Variants in DNAH3 observed in about 807,000 individuals in gnomAD.
DNAH3 encodes the protein dynein axonemal heavy chain 3, also known as axonemal beta dynein heavy chain 3.
Under a neutral mutation model 432.5 loss-of-function variants are expected in DNAH3, and 332 were observed. The ratio of observed to expected loss-of-function variants is 0.77; its 90% CI spans 0.70 to 0.84. The LOEUF (loss-of-function observed/expected upper bound fraction) is 0.84, where lower values mean the gene tolerates loss of function less well. Among genes scored for constraint, DNAH3 ranks in the 40% least tolerant of loss-of-function variants. The pLI, the probability that DNAH3 is intolerant of heterozygous loss-of-function variation, is 0.00. For missense variants in DNAH3, 4,861 were observed against 5,114.0 expected (o/e 0.95, Z 1.51); for synonymous variants, 1,956 against 1,900.2 (o/e 1.03, Z -0.76).
At chr16:21,095,790 G>T (rs2091659428) in intron 18 of DNAH3, among the ~76,000 whole-genome samples, 4 of 151,772 alleles carry the variant, frequency 2.6e-5, no homozygotes, top group Admixed American at 2.6e-4. Context: ...TTTGAGACAG[G>T]GTCTCGCTCT....
intron 19 of DNAH3, among the ~76,000 whole-genome samples, chr16:21,082,691 C>T (rs146755657): frequency 1.3e-5 from 2 of 151,944 alleles, no homozygotes; most frequent in South Asian, 2.1e-4. Flanking sequence ...TAGCTGGGCA[C>T]GGTGGCAGGT....
At chr16:21,136,580 A>G in intron 5 of DNAH3, 67 bp from the exon 7 acceptor site, 14 of 1,462,506 alleles carry the variant, frequency 9.6e-6, no homozygotes, top group Non-Finnish European at 1.3e-5. Context: ...TGTCCTGCCC[A>G]TCAGCTGCCA....
intron 33 of DNAH3, 123 bp downstream of exon 33, chr16:21,039,729 A>T (rs1257872466): frequency 7.4e-6 from 6 of 807,916 alleles, no homozygotes; most frequent in Non-Finnish European, 1.3e-5. Context: ...CCACCCAGTA[A>T]GCAGAAGCAA....
intron 55 of DNAH3, 105 bp downstream of exon 55, chr16:20,954,708 T>C: frequency 5.4e-6 from 7 of 1,301,330 alleles, no homozygotes; most frequent in Non-Finnish European, 7.4e-6. Context: ...CGTATCTTAC[T>C]GGCAACCCTA....
At chr16:20,991,846 T>C (rs891696820) in intron 44 of DNAH3, among the ~76,000 whole-genome samples, 1 of 152,226 alleles carries the variant, frequency 6.6e-6, no homozygotes, top group Non-Finnish European at 1.5e-5. Flanking sequence ...TACTCAATAA[T>C]GTTTCTCCTT....
chr16:21,112,923 A>G (rs1332102612), intron 12 of DNAH3, among the ~76,000 whole-genome samples: 1 of 152,140 alleles, frequency 6.6e-6, no homozygotes, highest in Non-Finnish European at 1.5e-5. Flanking sequence ...CCCATTTGGA[A>G]TGGCTGTATT....
chr16:21,005,839 C>CTTTTTTTTTTTT (rs200954605), intron 41 of DNAH3, among the ~76,000 whole-genome samples: 2 of 130,738 alleles, frequency 1.5e-5, no homozygotes, highest in African/African-American at 2.8e-5. Context: ...TTGCTCTATT[C>CTTTTTTTTTTTT]TTTTTTTTTT....
chr16:20,955,257 G>A (rs973317735), intron 54 of DNAH3, among the ~76,000 whole-genome samples, 200 bp from the exon 55 acceptor site: 3 of 151,870 alleles, frequency 2.0e-5, no homozygotes, highest in African/African-American at 7.3e-5. Flanking sequence ...AATACTACCA[G>A]AGCCAAAACT....
Position 20,936,632 on chromosome 16 carries a change from C to T in DNAH3, c.11859+17G>A. The T allele has an allele frequency of 6.3e-7, 1 of 1,575,444 alleles. No individual in the cohort carries two copies. Among genetic ancestry groups the T allele is most frequent in the Admixed American group, 1.8e-5 (1 of 56,050 alleles). On this transcript the variant is annotated intron_variant, in intron 60 of 61. Transcript: ENST00000261383. ...GCAAGCATGCCAGGTTCCCGGTTAC[C>T]CCTGACTCCCAGGTACCTGGAAGAA...
intron 22 of DNAH3, among the ~76,000 whole-genome samples, chr16:21,069,821 C>A (rs78930955): frequency 0.021 from 3,226 of 152,252 alleles, 122 homozygotes; most frequent in African/African-American, 0.073. Flanking sequence ...GAGCTCACGT[C>A]CTAGCAGAAT....
intron 57 of DNAH3, among the ~76,000 whole-genome samples, chr16:20,946,613 T>C (rs1323635641): frequency 6.6e-6 from 1 of 152,140 alleles, no homozygotes; most frequent in Non-Finnish European, 1.5e-5. Flanking sequence ...TGTGGTGTAA[T>C]ATACATATAT....
chr16:20,949,425 T>C (rs536738750), intron 56 of DNAH3, among the ~76,000 whole-genome samples: 137 of 152,272 alleles, frequency 9.0e-4, no homozygotes, highest in African/African-American at 3.1e-3. Context: ...ACTTTTATTA[T>C]AGCATATTGT....
At chr16:21,124,106 T>A (rs575670263) in intron 9 of DNAH3, among the ~76,000 whole-genome samples, 1 of 152,140 alleles carries the variant, frequency 6.6e-6, no homozygotes, top group Non-Finnish European at 1.5e-5. Flanking sequence ...TTTTTAGTTT[T>A]CATTTTGACT....
At chr16:21,014,136 G>A (rs2087748679) in intron 41 of DNAH3, among the ~76,000 whole-genome samples, 1 of 152,062 alleles carries the variant, frequency 6.6e-6, no homozygotes, top group Admixed American at 6.6e-5. Flanking sequence ...TTATAAGAGA[G>A]GAAAATTACA....
intron 16 of DNAH3, chr16:21,103,992 A>G (rs1370489930): frequency 6.2e-6 from 1 of 161,636 alleles, no homozygotes; most frequent in Non-Finnish European, 1.4e-5. Flanking sequence ...CGCAATAAAT[A>G]CCAACTGAAT....
rs556818044 is a variant in DNAH3, at chr16:21,005,325, T to A, written c.6023-2118A>T. ...TTCCCTCCTTCCCTCCCTCCCTCCC[T>A]TCCTTCCTTCTTTCCTTCCTTCCTT... On this transcript the variant is annotated intron_variant, in intron 41 of 61. Coordinates refer to ENST00000261383, the Ensembl canonical transcript of DNAH3. Among the ~76,000 whole-genome samples, 6 of 137,662 alleles carry A rather than the reference T, an allele frequency of 4.4e-5. No homozygotes were observed. In the South Asian group the frequency reaches 1.7e-3, roughly 38 times the overall value. The allele number at this position is 137,662 out of a possible 152,430, so 90.3% of individuals were successfully genotyped here.
chr16:20,978,578 C>T (rs1000553272), intron 50 of DNAH3, among the ~76,000 whole-genome samples: 7 of 152,044 alleles, frequency 4.6e-5, no homozygotes, highest in African/African-American at 1.4e-4. Context: ...TCTGTTACCC[C>T]GCTGCAGTGC....
chr16:20,941,185 T>G (rs1362605876), intron 59 of DNAH3, among the ~76,000 whole-genome samples: 1 of 152,178 alleles, frequency 6.6e-6, no homozygotes, highest in African/African-American at 2.4e-5. Flanking sequence ...TTTATAGATG[T>G]CACATGAATG....
rs941186935 is a variant in DNAH3, at chr16:21,121,944, C to A, written c.1584+1G>T. ...AATGAATGATTAAGTGACTACTATA[C>A]CTTGGGGATCCCATTAGAGTTCTTA... On this transcript the variant is annotated splice_donor_variant, in intron 10 of 61. Transcript: ENST00000261383. LOFTEE classifies it high-confidence loss of function. 6.2e-7 allele frequency: 1 copy of A among 1,606,744 alleles called. No homozygotes were observed. The highest frequency in any genetic ancestry group is 1.7e-5 in the Admixed American group (1 of 58,814).
Sources: gnomAD v4.1 joint callset for allele counts (sites outside exome capture counted in the v4.1 genomes callset) on GRCh38, gnomAD v4.1.1 for gene constraint, MANE v1.5 for transcripts, NCBI Gene and HGNC (gene_info 2026-07-23, HGNC 2026-07-21) for gene names.